The following TMEM108 variants were observed in gnomAD, a reference collection of about 807,000 sequenced individuals.
The protein encoded by TMEM108 is transmembrane protein 108.
A neutral mutation model predicts 35.1 loss-of-function variants in TMEM108; 12 were observed. That is an observed-to-expected ratio of 0.34 (90% CI 0.22 to 0.55). The LOEUF is 0.55. TMEM108 is among the 20% of genes least tolerant of loss of function. The probability of loss-of-function intolerance (pLI) is 0.89; values close to 1 mark genes in which losing one functional copy is unlikely to be tolerated. For synonymous variants in TMEM108, 287 were observed against 308.6 expected (o/e 0.93, Z 0.73); for missense variants, 680 against 753.3 (o/e 0.90, Z 1.14).
At chr3:133,377,918 T>C (rs2072889075) in intron 3 of TMEM108, among the ~76,000 whole-genome samples, 1 of 152,218 alleles carries the variant, frequency 6.6e-6, no homozygotes, top group Non-Finnish European at 1.5e-5. Context: ...ATGCAAGGGA[T>C]GGATCTGGTT....
intron 2 of TMEM108, among the ~76,000 whole-genome samples, chr3:133,103,817 T>C (rs895277674): frequency 2.0e-5 from 3 of 152,192 alleles, no homozygotes; most frequent in African/African-American, 7.2e-5. Flanking sequence ...ATGTAGGCCA[T>C]GCCTCTTAGG....
chr3:133,058,931 A>G (rs897266788), intron 2 of TMEM108, among the ~76,000 whole-genome samples: 5 of 152,190 alleles, frequency 3.3e-5, no homozygotes, highest in African/African-American at 7.2e-5. Flanking sequence ...GGCTCTTACA[A>G]CAAAGACTGG....
intron 2 of TMEM108, among the ~76,000 whole-genome samples, chr3:133,138,183 T>C (rs1470406988): frequency 1.3e-5 from 2 of 152,112 alleles, no homozygotes; most frequent in East Asian, 1.9e-4. Flanking sequence ...GATCTAGAAC[T>C]AGGAATCCGG....
chr3:133,395,950 A>G lies in TMEM108; in HGVS notation c.1692A>G (p.Thr564=), dbSNP rs1158951047. The part of the protein sequence containing the change: ...MVLVNPFCQE[T]LFVGNDQVSE... ...TTGTTAACCCCTTCTGTCAAGAAACACTGTTTGTGGGAAACGATCAAGTAT... is the reference window on the plus strand; with the variant it reads ...TTGTTAACCCCTTCTGTCAAGAAACGCTGTTTGTGGGAAACGATCAAGTAT... The change falls in exon 6 of 6, where the codon ACA becomes ACG. Residue 564 remains threonine (T), a synonymous_variant. Coordinates refer to ENST00000321871, the MANE Select transcript of TMEM108 (RefSeq NM_023943.4). The G allele has an allele frequency of 2.5e-6, 4 of 1,605,396 alleles. No homozygotes were observed. Among genetic ancestry groups the G allele is most frequent in the Non-Finnish European group, 3.4e-6 (4 of 1,176,402 alleles).
At chr3:133,153,023 C>A (rs532370079) in intron 2 of TMEM108, among the ~76,000 whole-genome samples, 40 of 152,190 alleles carry the variant, frequency 2.6e-4, no homozygotes, top group African/African-American at 9.1e-4. Context: ...TGGTTGTGTT[C>A]TCTGTGCTTA....
chr3:133,375,008 A>G (rs2072792876), intron 3 of TMEM108, among the ~76,000 whole-genome samples: 1 of 152,232 alleles, frequency 6.6e-6, no homozygotes, highest in Non-Finnish European at 1.5e-5. Flanking sequence ...ACCATGGGCA[A>G]GTTCCTGTAC....
At chr3:133,043,794 C>A (rs1943303531) in intron 1 of TMEM108, among the ~76,000 whole-genome samples, 2 of 152,130 alleles carry the variant, frequency 1.3e-5, no homozygotes, top group South Asian at 2.1e-4. Flanking sequence ...TCCTTAGGTT[C>A]CTTTATTTGT....
chr3:133,351,289 T>A (rs1470734716), intron 3 of TMEM108, among the ~76,000 whole-genome samples: 1 of 152,194 alleles, frequency 6.6e-6, no homozygotes, highest in Non-Finnish European at 1.5e-5. Context: ...GGGAAGGTGC[T>A]GATCTTCAAT....
At chr3:133,381,231 G>T (rs2073004692) in intron 4 of TMEM108, 70 bp downstream of exon 4, 6 of 1,483,540 alleles carry the variant, frequency 4.0e-6, no homozygotes, top group Non-Finnish European at 5.4e-6. Context: ...GCATTCCTTT[G>T]TCCCTGATTT....
chr3:133,174,344 C>T (rs775982085), intron 2 of TMEM108, among the ~76,000 whole-genome samples: 19 of 152,182 alleles, frequency 1.2e-4, no homozygotes, highest in African/African-American at 2.7e-4. Context: ...TCTCTGAGCA[C>T]GCAGCTGGAG....
chr3:133,082,214 C>G (rs1401575964), intron 2 of TMEM108, among the ~76,000 whole-genome samples: 1 of 152,226 alleles, frequency 6.6e-6, no homozygotes, highest in Admixed American at 6.5e-5. Flanking sequence ...TGAGCAAAAC[C>G]AGGCTTCTCT....
intron 3 of TMEM108, chr3:133,245,990 T>C (rs1392216273): frequency 6.6e-6 from 1 of 152,110 alleles, no homozygotes; most frequent in Non-Finnish European, 1.5e-5. Context: ...TTAAATCTCC[T>C]ATATAATGTG....
chr3:133,202,993 G>C (rs1042704971), intron 2 of TMEM108, among the ~76,000 whole-genome samples: 1 of 152,156 alleles, frequency 6.6e-6, no homozygotes, highest in Non-Finnish European at 1.5e-5. Context: ...AGTTCTCCTT[G>C]AAGAGGTCCT....
At chr3:133,179,458 A>G (rs62280326) in intron 2 of TMEM108, among the ~76,000 whole-genome samples, 28,023 of 151,980 alleles carry the variant, frequency 0.18, 3,366 homozygotes, top group East Asian at 0.37. Flanking sequence ...CATATACACC[A>G]TGGAATACTA....
chr3:133,283,537 A>G (rs1005874965), intron 3 of TMEM108, among the ~76,000 whole-genome samples: 2 of 152,232 alleles, frequency 1.3e-5, no homozygotes, highest in Non-Finnish European at 2.9e-5. Flanking sequence ...CTATTTTTTC[A>G]GAATCTGAGC....
intron 2 of TMEM108, among the ~76,000 whole-genome samples, chr3:133,102,148 G>A (rs1944096873): frequency 6.6e-6 from 1 of 152,174 alleles, no homozygotes; most frequent in African/African-American, 2.4e-5. Flanking sequence ...TGGCACACAT[G>A]CCCCTCAACT....
intron 2 of TMEM108, among the ~76,000 whole-genome samples, chr3:133,129,020 T>C (rs1481537063): frequency 1.3e-5 from 2 of 152,182 alleles, no homozygotes; most frequent in Admixed American, 1.3e-4. Context: ...CAGATACCTC[T>C]CTGGCATAAA....
intron 3 of TMEM108, among the ~76,000 whole-genome samples, chr3:133,241,025 A>G (rs1474731246): frequency 6.6e-6 from 1 of 152,144 alleles, no homozygotes; most frequent in Non-Finnish European, 1.5e-5. Flanking sequence ...CATAAACCTC[A>G]TGAATTGGGG....
intron 3 of TMEM108, among the ~76,000 whole-genome samples, chr3:133,344,331 C>T (rs988457054): frequency 1.3e-5 from 2 of 151,682 alleles, no homozygotes; most frequent in Middle Eastern, 3.4e-3. Context: ...ATCGATTGCA[C>T]AGAAAATAAC....
Sources: allele counts gnomAD v4.1 joint callset (sites outside exome capture counted in the v4.1 genomes callset), GRCh38; gene constraint gnomAD v4.1.1; transcripts MANE v1.5; gene names NCBI Gene and HGNC (gene_info 2026-07-23, HGNC 2026-07-21).